The following RAI14 variants were observed in gnomAD, a reference collection of about 807,000 sequenced individuals.
RAI14 encodes retinoic acid induced 14.
In RAI14, 45 loss-of-function variants were observed where a neutral mutation model predicts 115.4. That is an observed-to-expected ratio of 0.39 (90% CI 0.31 to 0.50). The LOEUF is 0.50. Among genes scored for constraint, RAI14 ranks in the 20% least tolerant of loss-of-function variants. The pLI, the probability that RAI14 is intolerant of heterozygous loss-of-function variation, is 0.85. For synonymous variants in RAI14, 371 were observed against 415.4 expected (o/e 0.89, Z 1.30); for missense variants, 939 against 1,131.2 (o/e 0.83, Z 2.44).
intron 2 of RAI14, among the ~76,000 whole-genome samples, chr5:34,691,980 C>T (rs563980263): frequency 2.2e-4 from 33 of 152,164 alleles, no homozygotes; most frequent in South Asian, 4.1e-4. Flanking sequence ...TAACAGTTGG[C>T]GGTGGGGTGT....
chr5:34,760,042 C>T (rs932984463), intron 3 of RAI14, among the ~76,000 whole-genome samples: 5 of 152,136 alleles, frequency 3.3e-5, no homozygotes, highest in African/African-American at 1.2e-4. Flanking sequence ...GAGTCTCTGT[C>T]ACCAGGCCGG....
chr5:34,681,690 G>T (rs1468322183), intron 1 of RAI14, among the ~76,000 whole-genome samples: 1 of 151,446 alleles, frequency 6.6e-6, no homozygotes, highest in Non-Finnish European at 1.5e-5. Context: ...GTAGAGACTG[G>T]GTCTCGCTCT....
chr5:34,677,344 A>G (rs554751929), intron 1 of RAI14, among the ~76,000 whole-genome samples: 2 of 151,566 alleles, frequency 1.3e-5, no homozygotes, highest in Admixed American at 6.6e-5. Flanking sequence ...TTGTATTTTT[A>G]GAGGAGACGA....
intron 2 of RAI14, among the ~76,000 whole-genome samples, chr5:34,696,363 C>T (rs1389854990): frequency 6.6e-6 from 1 of 152,060 alleles, no homozygotes; most frequent in African/African-American, 2.4e-5. Flanking sequence ...GTCTCGATCT[C>T]CTGACCTCAT....
At chr5:34,753,323 A>T (rs975844054) in intron 2 of RAI14, among the ~76,000 whole-genome samples, 1 of 152,174 alleles carries the variant, frequency 6.6e-6, no homozygotes, top group African/African-American at 2.4e-5. Flanking sequence ...CTACTTTTGG[A>T]CAGTAGATTG....
At chr5:34,669,072 G>T (rs1422828092) in intron 1 of RAI14, among the ~76,000 whole-genome samples, 4 of 152,096 alleles carry the variant, frequency 2.6e-5, no homozygotes, top group African/African-American at 9.7e-5. Flanking sequence ...GGCCAGGATG[G>T]TCTTGATCTC....
intron 2 of RAI14, among the ~76,000 whole-genome samples, chr5:34,742,703 G>T (rs546722611): frequency 1.3e-5 from 2 of 151,890 alleles, no homozygotes; most frequent in South Asian, 4.2e-4. Flanking sequence ...TCACTCTGTC[G>T]CCCAGGTTGG....
At chr5:34,750,054 C>G (rs1746787580) in intron 2 of RAI14, among the ~76,000 whole-genome samples, 1 of 152,188 alleles carries the variant, frequency 6.6e-6, no homozygotes, top group Non-Finnish European at 1.5e-5. Flanking sequence ...CAAGAAGGAA[C>G]AGTGCAGCTC....
intron 3 of RAI14, among the ~76,000 whole-genome samples, chr5:34,759,884 A>T (rs963970710): frequency 3.3e-5 from 5 of 152,116 alleles, no homozygotes; most frequent in Admixed American, 3.3e-4. Context: ...GCTCTATATA[A>T]AGAGTGGCAC....
At chr5:34,731,908 G>A (rs1196501171) in intron 2 of RAI14, among the ~76,000 whole-genome samples, 2 of 152,320 alleles carry the variant, frequency 1.3e-5, no homozygotes, top group African/African-American at 4.8e-5. Flanking sequence ...CGGCCAGGGG[G>A]CCATGTGCTC....
intron 4 of RAI14, among the ~76,000 whole-genome samples, chr5:34,799,336 G>A (rs1753907349): frequency 6.6e-6 from 1 of 152,052 alleles, no homozygotes; most frequent in South Asian, 2.1e-4. Context: ...GCTTTTACAG[G>A]TATTGTCTTT....
intron 1 of RAI14, among the ~76,000 whole-genome samples, chr5:34,668,131 C>G (rs1028430481): frequency 1.3e-5 from 2 of 152,080 alleles, no homozygotes; most frequent in Non-Finnish European, 2.9e-5. Context: ...GGTGGACTCA[C>G]GCGTATAATC....
Position 34,824,272 on chromosome 5 carries a change from T to C in RAI14, c.2430T>C (p.Ser810=), listed in dbSNP as rs752057471. 1 of 1,614,064 alleles carries C rather than the reference T, an allele frequency of 6.2e-7. No individual in the cohort carries two copies. Among genetic ancestry groups the C allele is most frequent in the African/African-American group, 1.3e-5 (1 of 74,932 alleles). The change falls in exon 15 of 18, where the codon TCT becomes TCC. Residue 810 remains serine, a synonymous_variant. Transcript: ENST00000265109. ...VSVLASKLKE[S]VKEKEKVHSE... Reference sequence around the variant, plus strand: ...TGTTGGCATCGAAATTAAAGGAATCTGTGAAAGAGAAAGAGAAGGTCCATT... The same window carrying C: ...TGTTGGCATCGAAATTAAAGGAATCCGTGAAAGAGAAAGAGAAGGTCCATT...
intron 1 of RAI14, among the ~76,000 whole-genome samples, chr5:34,680,653 C>T (rs913953811): frequency 6.6e-6 from 1 of 152,086 alleles, no homozygotes; most frequent in Non-Finnish European, 1.5e-5. Flanking sequence ...GAAAGGAGTC[C>T]CCTATCTTGT....
At chr5:34,723,345 C>G (rs929978897) in intron 2 of RAI14, among the ~76,000 whole-genome samples, 3 of 152,128 alleles carry the variant, frequency 2.0e-5, no homozygotes, top group Non-Finnish European at 2.9e-5. Flanking sequence ...GTAGGGCAGC[C>G]TGACAGGCTG....
chr5:34,665,148 TATATGTGTGTGTATATATATATATACAC>T (rs1282294405), intron 1 of RAI14, among the ~76,000 whole-genome samples: 1,071 of 62,226 alleles, frequency 0.017, 368 homozygotes, highest in South Asian at 0.13. Context: ...TATACACATA[TATATGTGTGTGTATATATATATATACAC>T]ACATATATAT....
chr5:34,758,698 C>T (rs1308070655), intron 3 of RAI14, among the ~76,000 whole-genome samples: 6 of 152,102 alleles, frequency 3.9e-5, no homozygotes, highest in African/African-American at 7.2e-5. Context: ...CATGTGCCAC[C>T]GTGCCTGGCT....
intron 3 of RAI14, among the ~76,000 whole-genome samples, chr5:34,784,626 G>C (rs1483371171): frequency 6.6e-6 from 1 of 152,144 alleles, no homozygotes; most frequent in Non-Finnish European, 1.5e-5. Context: ...GTATGTGGAA[G>C]AAAAAACCAT....
intron 3 of RAI14, among the ~76,000 whole-genome samples, chr5:34,764,420 T>G (rs991628156): frequency 1.3e-5 from 2 of 152,152 alleles, no homozygotes; most frequent in African/African-American, 4.8e-5. Context: ...ACAGAACCAC[T>G]GAGCAGGACA....
Sources: allele counts gnomAD v4.1 joint callset (sites outside exome capture counted in the v4.1 genomes callset), GRCh38; gene constraint gnomAD v4.1.1; transcripts MANE v1.5; gene names NCBI Gene and HGNC (gene_info 2026-07-23, HGNC 2026-07-21).